ARHGAP21: variants seen among roughly 807,000 people sequenced by gnomAD.
ARHGAP21 encodes rho GTPase-activating protein 21.
A neutral mutation model predicts 164.6 loss-of-function variants in ARHGAP21; 38 were observed. The ratio of observed to expected loss-of-function variants is 0.23; its 90% CI spans 0.18 to 0.30. ARHGAP21 has a LOEUF of 0.30. ARHGAP21 is among the 10% of genes least tolerant of loss of function. ARHGAP21 has a pLI of 1.00. For synonymous variants in ARHGAP21, 766 were observed against 857.9 expected (o/e 0.89, Z 1.87); for missense variants, 1,822 against 2,370.7 (o/e 0.77, Z 4.81).
At position 24,620,167 on chromosome 10, in the gene ARHGAP21, T is replaced by C. The variant is rs765045662; in HGVS notation, c.1728A>G (p.Gly576=). 1 of 1,613,934 alleles carries C rather than the reference T, an allele frequency of 6.2e-7. No individual in the cohort carries two copies. Among genetic ancestry groups the C allele is most frequent in the African/African-American group, 1.3e-5 (1 of 75,010 alleles). ...TTTTAAACTGCGACACAGATCCCAC[T>C]CCTCTACCACTCATTCGCCTGTTAT... ...NSDNRRMSGR[G]VGSVSQFKKI... Residue 576 remains glycine, a synonymous_variant, in exon 9 of 26, where the codon GGA becomes GGG. Transcript: ENST00000396432.
At chr10:24,609,000 G>T (rs986638959) in intron 9 of ARHGAP21, among the ~76,000 whole-genome samples, 4 of 152,088 alleles carry the variant, frequency 2.6e-5, no homozygotes, top group Non-Finnish European at 5.9e-5. Context: ...TATTTAAATT[G>T]CACATGTTTA....
At chr10:24,615,876 G>A (rs919541237) in intron 9 of ARHGAP21, among the ~76,000 whole-genome samples, 5 of 152,164 alleles carry the variant, frequency 3.3e-5, no homozygotes, top group Admixed American at 1.3e-4. Flanking sequence ...CCAGGTTCAA[G>A]CAATTCTCCT....
In ARHGAP21 at chr10:24,723,709, G is replaced by T. The variant is rs1307106981; in HGVS notation, c.-528C>A. 1.4e-5 allele frequency: 2 copies of T among 147,126 alleles called. No individual in the cohort carries two copies. Among genetic ancestry groups the T allele is most frequent in the Admixed American group, 6.8e-5 (1 of 14,644 alleles). The allele number at this position is 147,126 out of a possible 1,614,324, so 9.1% of individuals were successfully genotyped here. The stretch of plus-strand genomic sequence containing the variant: ...CGCCGCCGCCGCCGCCGCGCTCCGA[G>T]GCCGCCGCCCCCGGCCGGCCGCTCC... On this transcript the variant is annotated 5_prime_UTR_variant, in exon 1 of 26. Coordinates refer to ENST00000396432, the MANE Select transcript of ARHGAP21 (RefSeq NM_020824.4).
rs1169343403 is a variant in ARHGAP21, at chr10:24,619,518, T to C, written c.2377A>G (p.Ser793Gly). 2 of 1,614,156 alleles carry C rather than the reference T, an allele frequency of 1.2e-6. No individual in the cohort carries two copies. The highest frequency in any genetic ancestry group is 1.7e-5 in the Admixed American group (1 of 60,024). ...IKRMEERKAS[S>G]TSPPGDSLAS... is the part of the protein sequence containing the mutation. ...AAAGAATCGCCAGGCGGACTGGTAC[T>C]CGAGGCTTTTCTTTCCTCCATTCTT... is the stretch of plus-strand genomic sequence containing the variant. Residue 793 changes from serine to glycine, a missense_variant, in exon 9 of 26, where the codon AGT (serine) becomes GGT (glycine). By Grantham distance (56) the Ser-to-Gly change is moderately conservative. Around this residue, in one of 5 missense-constraint regions of ARHGAP21, gnomAD observed 1,090 missense variants for 1,378.9 expected, o/e 0.79. Coordinates refer to ENST00000396432, the MANE Select transcript of ARHGAP21 (RefSeq NM_020824.4).
intron 3 of ARHGAP21, among the ~76,000 whole-genome samples, chr10:24,669,110 T>A (rs1382866215): frequency 6.6e-6 from 1 of 152,116 alleles, no homozygotes; most frequent in African/African-American, 2.4e-5. Flanking sequence ...AGCAATTATT[T>A]ACAATCCTTA....
intron 8 of ARHGAP21, 109 bp downstream of exon 8, chr10:24,622,624 G>A: frequency 8.7e-7 from 1 of 1,145,514 alleles, no homozygotes; most frequent in Non-Finnish European, 1.2e-6. Context: ...TAACACGATA[G>A]AGGGATTTCT....
chr10:24,619,185 G>A (rs375474085), intron 9 of ARHGAP21, among the ~76,000 whole-genome samples: 3 of 151,832 alleles, frequency 2.0e-5, no homozygotes, highest in African/African-American at 4.8e-5. Flanking sequence ...AATTTGCTTC[G>A]CTGATTTCCT....
intron 9 of ARHGAP21, among the ~76,000 whole-genome samples, chr10:24,619,270 T>A (rs1181018160): frequency 6.6e-6 from 1 of 151,070 alleles, no homozygotes; most frequent in Admixed American, 6.6e-5. Flanking sequence ...TGTTTTTTTT[T>A]TAAAAAAAGG....
chr10:24,588,743 T>TAAAAATATTATTTAAAA (rs2076210101), intron 25 of ARHGAP21, among the ~76,000 whole-genome samples: 1 of 152,166 alleles, frequency 6.6e-6, no homozygotes, highest in Admixed American at 6.5e-5. Context: ...ACAGATTGTG[T>TAAAAATATTATTTAAAA]AAAAATATTA....
At chr10:24,631,307 T>A (rs1835834459) in intron 6 of ARHGAP21, among the ~76,000 whole-genome samples, 1 of 152,166 alleles carries the variant, frequency 6.6e-6, no homozygotes, top group African/African-American at 2.4e-5. Context: ...GACATTGCAG[T>A]GAGCTGAGAT....
intron 9 of ARHGAP21, among the ~76,000 whole-genome samples, chr10:24,608,453 A>G (rs2131005292): frequency 6.6e-6 from 1 of 152,308 alleles, no homozygotes; most frequent in South Asian, 2.1e-4. Flanking sequence ...TTACTCTTAT[A>G]AAAACATCAG....
intron 2 of ARHGAP21, among the ~76,000 whole-genome samples, chr10:24,721,040 A>G (rs1388777191): frequency 6.6e-6 from 1 of 152,128 alleles, no homozygotes; most frequent in Non-Finnish European, 1.5e-5. Flanking sequence ...CGTGTCATAA[A>G]TCAATGTATT....
intron 4 of ARHGAP21, among the ~76,000 whole-genome samples, chr10:24,655,987 C>G (rs1373968362): frequency 7.4e-6 from 1 of 135,874 alleles, no homozygotes. Context: ...GCAACCACCC[C>G]GTCTGAGAAG....
At chr10:24,675,388 T>C (rs1841115346) in intron 2 of ARHGAP21, among the ~76,000 whole-genome samples, 1 of 152,200 alleles carries the variant, frequency 6.6e-6, no homozygotes, top group Non-Finnish European at 1.5e-5. Context: ...TACTGGTCTA[T>C]ACTGACTGAA....
chr10:24,712,724 A>G (rs1593376857), intron 2 of ARHGAP21, among the ~76,000 whole-genome samples: 1 of 152,204 alleles, frequency 6.6e-6, no homozygotes, highest in Non-Finnish European at 1.5e-5. Flanking sequence ...AAGGGTGTCT[A>G]TATGATTAAA....
At chr10:24,662,255 T>A (rs938595423) in intron 4 of ARHGAP21, among the ~76,000 whole-genome samples, 14 of 152,150 alleles carry the variant, frequency 9.2e-5, no homozygotes, top group Non-Finnish European at 1.5e-4. Context: ...CCCTTTTTTT[T>A]AAGACATTAT....
chr10:24,712,981 A>G (rs565912879), intron 2 of ARHGAP21, among the ~76,000 whole-genome samples: 2 of 135,182 alleles, frequency 1.5e-5, no homozygotes, highest in African/African-American at 3.3e-5. Flanking sequence ...CCTCAAGGTT[A>G]AAAAAAAAAA....
chr10:24,676,156 A>G (rs185869383), intron 2 of ARHGAP21, among the ~76,000 whole-genome samples: 4 of 152,364 alleles, frequency 2.6e-5, no homozygotes, highest in African/African-American at 9.6e-5. Context: ...TCAGGGGGAA[A>G]AAACAAAAAA....
chr10:24,615,421 T>C (rs530607628), intron 9 of ARHGAP21, among the ~76,000 whole-genome samples: 2 of 152,294 alleles, frequency 1.3e-5, no homozygotes, highest in South Asian at 4.1e-4. Context: ...GTCTTAGAGA[T>C]ATGACAAAAG....
Sources: gnomAD v4.1 joint callset for allele counts (sites outside exome capture counted in the v4.1 genomes callset) on GRCh38, gnomAD v4.1.1 for gene constraint, gnomAD v4.1.1 regional missense constraint, MANE v1.5 for transcripts, NCBI Gene and HGNC (gene_info 2026-07-23, HGNC 2026-07-21) for gene names.